Variants in MCTP1 observed in about 807,000 individuals in gnomAD.
MCTP1 encodes the protein multiple C2 and transmembrane domain-containing protein 1.
In MCTP1, 69 loss-of-function variants were observed where a neutral mutation model predicts 120.6. That is an observed-to-expected ratio of 0.57 (90% CI 0.47 to 0.70). The LOEUF (loss-of-function observed/expected upper bound fraction) is 0.70, where lower values mean the gene tolerates loss of function less well. Among genes scored for constraint, MCTP1 ranks in the 30% least tolerant of loss-of-function variants. The pLI, the probability that MCTP1 is intolerant of heterozygous loss-of-function variation, is 0.00. For synonymous variants in MCTP1, 529 were observed against 493.1 expected (o/e 1.07, Z -0.96); for missense variants, 1,203 against 1,248.8 (o/e 0.96, Z 0.55).
chr5:95,242,399 T>C (rs1756267282), intron 1 of MCTP1, among the ~76,000 whole-genome samples: 1 of 152,138 alleles, frequency 6.6e-6, no homozygotes, highest in Non-Finnish European at 1.5e-5. Flanking sequence ...AATACAAAAT[T>C]GTGAGATGCA....
intron 17 of MCTP1, among the ~76,000 whole-genome samples, chr5:94,820,825 G>A (rs767022655): frequency 2.1e-4 from 32 of 152,096 alleles, no homozygotes; most frequent in Admixed American, 5.2e-4. Flanking sequence ...TTGTATTTTT[G>A]GATTTAGCCA....
intron 1 of MCTP1, among the ~76,000 whole-genome samples, chr5:95,170,650 T>G (rs2152495605): frequency 6.6e-6 from 1 of 152,344 alleles, no homozygotes; most frequent in South Asian, 2.1e-4. Context: ...AATTGATCCC[T>G]TTACCATTAT....
chr5:94,952,477 G>T (rs1347761963), intron 3 of MCTP1, among the ~76,000 whole-genome samples: 1 of 152,152 alleles, frequency 6.6e-6, no homozygotes, highest in Non-Finnish European at 1.5e-5. Context: ...GAGATTTCTG[G>T]CTCATGTGCC....
At chr5:94,838,749 G>A (rs1790360560) in intron 17 of MCTP1, among the ~76,000 whole-genome samples, 1 of 152,146 alleles carries the variant, frequency 6.6e-6, no homozygotes, top group African/African-American at 2.4e-5. Flanking sequence ...TTAAATGCAT[G>A]GTTGTCCTGT....
In MCTP1 at chr5:94,741,956, T is replaced by G. The variant is rs148479904; in HGVS notation, c.2611-27070A>C. ...AGATGCCTCAAATGTAATGATCCAG[T>G]TAAAATGCTTAACCCAGTGCTTGGC... is the stretch of plus-strand genomic sequence containing the variant. On this transcript the variant is annotated intron_variant, in intron 19 of 22. Coordinates refer to ENST00000515393, the MANE Select transcript of MCTP1 (RefSeq NM_024717.7). Among the ~76,000 whole-genome samples the G allele has an allele frequency of 7.3e-4, 111 of 152,310 alleles. 1 individual carries two copies. The East Asian group carries it at 8.7e-3, about 12-fold the overall frequency.
At chr5:94,874,714 C>T (rs1390330812) in intron 12 of MCTP1, among the ~76,000 whole-genome samples, 1 of 152,152 alleles carries the variant, frequency 6.6e-6, no homozygotes, top group East Asian at 1.9e-4. Flanking sequence ...TCACACACCC[C>T]ATGGAAGATA....
chr5:94,864,980 C>CCATG (rs1796526933), intron 17 of MCTP1, among the ~76,000 whole-genome samples: 1 of 151,972 alleles, frequency 6.6e-6, no homozygotes, highest in African/African-American at 2.4e-5. Flanking sequence ...ATAGATGATT[C>CCATG]CCCAAGACGA....
intron 19 of MCTP1, among the ~76,000 whole-genome samples, chr5:94,738,982 A>G (rs1764903636): frequency 1.3e-5 from 2 of 152,244 alleles, no homozygotes; most frequent in African/African-American, 4.8e-5. Context: ...TCTTTTCAAC[A>G]GCAGCAGTAG....
At chr5:94,735,201 C>T (rs1026270769) in intron 19 of MCTP1, among the ~76,000 whole-genome samples, 9 of 152,182 alleles carry the variant, frequency 5.9e-5, no homozygotes, top group African/African-American at 2.2e-4. Context: ...CTTGCCAGGC[C>T]GTGTCACAGA....
At chr5:95,237,608 G>A (rs1160168681) in intron 1 of MCTP1, among the ~76,000 whole-genome samples, 5 of 152,154 alleles carry the variant, frequency 3.3e-5, no homozygotes, top group African/African-American at 1.2e-4. Context: ...GAGAGAAAGA[G>A]TCCATGTTAT....
chr5:94,879,499 T>C (rs1180230536), intron 12 of MCTP1, among the ~76,000 whole-genome samples: 1 of 152,110 alleles, frequency 6.6e-6, no homozygotes, highest in Non-Finnish European at 1.5e-5. Context: ...CTAACAGCAA[T>C]AATTCTTAAA....
chr5:95,087,335 G>T (rs1014097871), intron 1 of MCTP1, among the ~76,000 whole-genome samples: 1 of 152,192 alleles, frequency 6.6e-6, no homozygotes, highest in Non-Finnish European at 1.5e-5. Context: ...AACTTCAATT[G>T]TCAGAAGGAT....
intron 1 of MCTP1, among the ~76,000 whole-genome samples, chr5:95,202,801 C>T (rs1751215687): frequency 6.6e-6 from 1 of 151,918 alleles, no homozygotes; most frequent in Admixed American, 6.6e-5. Context: ...AATCTCAGCT[C>T]ACTGCAACCA....
At chr5:95,079,741 T>A (rs1754449745) in intron 1 of MCTP1, among the ~76,000 whole-genome samples, 1 of 151,984 alleles carries the variant, frequency 6.6e-6, no homozygotes, top group Admixed American at 6.5e-5. Context: ...TTATATTTTT[T>A]ATTAAAATAA....
In MCTP1 at chr5:95,151,203, C is replaced by T. The variant is rs572507159; in HGVS notation, c.720+132653G>A. Among the ~76,000 whole-genome samples, 25 of 150,162 alleles carry T rather than the reference C, an allele frequency of 1.7e-4. 1 individual carries two copies. Among genetic ancestry groups the T allele is most frequent in the Admixed American group, 1.5e-3 (22 of 15,032 alleles). On this transcript the variant is annotated intron_variant, in intron 1 of 22. Coordinates refer to ENST00000515393, the MANE Select transcript of MCTP1 (RefSeq NM_024717.7). The stretch of plus-strand genomic sequence containing the variant: ...TTTGCCATGTTGCCCAGGCTGCTCT[C>T]GAACTCCTGAGCTCAGGCAATCTGT...
chr5:95,175,057 AAG>A (rs1471283856), intron 1 of MCTP1, among the ~76,000 whole-genome samples: 1 of 152,220 alleles, frequency 6.6e-6, no homozygotes, highest in East Asian at 1.9e-4. Context: ...TTGAGGGAAA[AAG>A]GGAAAAATGC....
chr5:95,230,629 AT>A (rs1754826126), intron 1 of MCTP1, among the ~76,000 whole-genome samples: 1 of 152,112 alleles, frequency 6.6e-6, no homozygotes, highest in South Asian at 2.1e-4. Context: ...AATTTTTTGA[AT>A]TTTTGCAGTC....
chr5:94,892,338 T>G (rs892551383), intron 11 of MCTP1, among the ~76,000 whole-genome samples: 1 of 152,166 alleles, frequency 6.6e-6, no homozygotes, highest in African/African-American at 2.4e-5. Context: ...AATGTCATAA[T>G]AAAAATGGAA....
chr5:94,991,611 C>T (rs980287141), intron 2 of MCTP1, among the ~76,000 whole-genome samples: 9 of 152,056 alleles, frequency 5.9e-5, no homozygotes, highest in Non-Finnish European at 7.4e-5. Flanking sequence ...AAAGAGTTTA[C>T]GCCTGTAATC....
Sources: gnomAD v4.1 joint callset for allele counts (sites outside exome capture counted in the v4.1 genomes callset) on GRCh38, gnomAD v4.1.1 for gene constraint, MANE v1.5 for transcripts, NCBI Gene and HGNC (gene_info 2026-07-23, HGNC 2026-07-21) for gene names.